Variants in CSGALNACT1 observed in about 807,000 individuals in gnomAD.
CSGALNACT1 encodes chondroitin sulfate N-acetylgalactosaminyltransferase 1.
Under a neutral mutation model 51.0 loss-of-function variants are expected in CSGALNACT1, and 52 were observed. The observed-to-expected ratio is 1.02, with a 90% CI of 0.82 to 1.29. The LOEUF (loss-of-function observed/expected upper bound fraction) is 1.29. Ranked by LOEUF, CSGALNACT1 falls within the 50% of genes most tolerant of loss-of-function variation. The pLI is 0.00. For synonymous variants in CSGALNACT1, 341 were observed against 254.4 expected (o/e 1.34, Z -3.24); for missense variants, 935 against 679.2 (o/e 1.38, Z -4.19).
At chr8:19,702,521 A>T (rs2061937123) in intron 1 of CSGALNACT1, among the ~76,000 whole-genome samples, 1 of 151,938 alleles carries the variant, frequency 6.6e-6, no homozygotes, top group African/African-American at 2.4e-5. Context: ...AAAAAAACTT[A>T]ATTAATTTTT....
chr8:19,458,993 TTTC>T (rs924357895), intron 4 of CSGALNACT1, among the ~76,000 whole-genome samples: 3 of 152,216 alleles, frequency 2.0e-5, no homozygotes, highest in African/African-American at 7.2e-5. Flanking sequence ...GTTTTTTTCT[TTTC>T]TTCTAGTATC....
At chr8:19,514,043 C>G (rs1450008006) in intron 3 of CSGALNACT1, among the ~76,000 whole-genome samples, 1 of 152,104 alleles carries the variant, frequency 6.6e-6, no homozygotes, top group Non-Finnish European at 1.5e-5. Flanking sequence ...ATGCAGGTTT[C>G]TTTTTTCCAT....
intron 6 of CSGALNACT1, among the ~76,000 whole-genome samples, chr8:19,421,421 G>A (rs2057911167): frequency 6.6e-6 from 1 of 152,146 alleles, no homozygotes; most frequent in Admixed American, 6.5e-5. Context: ...ATGCCCAGTG[G>A]GACAGGTATT....
intron 3 of CSGALNACT1, among the ~76,000 whole-genome samples, chr8:19,576,944 C>T (rs375137571): frequency 6.6e-6 from 1 of 152,148 alleles, no homozygotes; most frequent in Non-Finnish European, 1.5e-5. Context: ...TAAGAAAACA[C>T]ACAGCTCGCT....
chr8:19,447,041 C>T (rs2062250511), intron 5 of CSGALNACT1, among the ~76,000 whole-genome samples: 1 of 152,174 alleles, frequency 6.6e-6, no homozygotes, highest in Non-Finnish European at 1.5e-5. Flanking sequence ...GAGCCAAAAG[C>T]CCTTCATGGT....
intron 3 of CSGALNACT1, among the ~76,000 whole-genome samples, chr8:19,573,666 A>T (rs941874711): frequency 4.6e-5 from 7 of 152,066 alleles, no homozygotes; most frequent in Non-Finnish European, 1.5e-5. Context: ...CTGGTCTCGA[A>T]CTTCTGACCT....
intron 4 of CSGALNACT1, among the ~76,000 whole-genome samples, chr8:19,498,705 T>A (rs1189553898): frequency 6.6e-6 from 1 of 152,148 alleles, no homozygotes. Flanking sequence ...TCCTGCCCAC[T>A]CCAGATAAAC....
upstream of CSGALNACT1, among the ~76,000 whole-genome samples, chr8:19,686,183 C>A (rs1300256080): frequency 6.6e-6 from 1 of 152,056 alleles, no homozygotes; most frequent in East Asian, 1.9e-4. Flanking sequence ...TGACAAGGAC[C>A]CCCCAAAAGC....
exon 10 of CSGALNACT1, chr8:19,405,242 A>T: frequency 2.2e-6 from 1 of 453,322 alleles, no homozygotes; most frequent in South Asian, 1.6e-5. Flanking sequence ...GGAAAATATG[A>T]CACGATATTT....
At chr8:19,463,160 T>C (rs1017839203) in intron 4 of CSGALNACT1, among the ~76,000 whole-genome samples, 1 of 152,250 alleles carries the variant, frequency 6.6e-6, no homozygotes, top group African/African-American at 2.4e-5. Flanking sequence ...TTCATTCTTT[T>C]TTTCATGGCT....
At chr8:19,511,386 C>A (rs1458394750) in intron 3 of CSGALNACT1, among the ~76,000 whole-genome samples, 3 of 152,180 alleles carry the variant, frequency 2.0e-5, no homozygotes, top group Non-Finnish European at 2.9e-5. Flanking sequence ...CACAAACTAA[C>A]CTTCAATCAA....
intron 3 of CSGALNACT1, among the ~76,000 whole-genome samples, chr8:19,520,708 T>C (rs1307164097): frequency 6.6e-6 from 1 of 152,220 alleles, no homozygotes; most frequent in Non-Finnish European, 1.5e-5. Context: ...TCTTAAAACT[T>C]TCCATTCTCT....
chr8:19,699,331 T>G (rs2154219608), intron 1 of CSGALNACT1, among the ~76,000 whole-genome samples: 1 of 152,360 alleles, frequency 6.6e-6, no homozygotes, highest in Non-Finnish European at 1.5e-5. Flanking sequence ...AAGAGATTTC[T>G]GTACACCCAT....
chr8:19,455,806 C>T (rs1335595734), intron 5 of CSGALNACT1, among the ~76,000 whole-genome samples: 4 of 152,220 alleles, frequency 2.6e-5, no homozygotes, highest in Non-Finnish European at 4.4e-5. Flanking sequence ...TGCCACAGCG[C>T]CTGGCTCTGC....
intron 1 of CSGALNACT1, among the ~76,000 whole-genome samples, chr8:19,666,883 A>AAGAGAGAG (rs372924056): frequency 1.0e-5 from 1 of 97,372 alleles, no homozygotes; most frequent in South Asian, 3.8e-4. Flanking sequence ...GAAAGAAAGA[A>AAGAGAGAG]AGAGAGAGAG....
chr8:19,596,994 C>T (rs1421410454), intron 2 of CSGALNACT1, among the ~76,000 whole-genome samples: 5 of 152,102 alleles, frequency 3.3e-5, no homozygotes, highest in Non-Finnish European at 7.4e-5. Context: ...TAAACAAGTG[C>T]CCATTCTTGC....
chr8:19,532,428 T>C (rs990330737), intron 3 of CSGALNACT1, among the ~76,000 whole-genome samples: 17 of 152,218 alleles, frequency 1.1e-4, no homozygotes, highest in African/African-American at 4.1e-4. Flanking sequence ...AAGCCTTTTA[T>C]GTCTGTCTTC....
At chr8:19,577,636 G>T (rs6992213) in intron 3 of CSGALNACT1, among the ~76,000 whole-genome samples, 12,150 of 150,352 alleles carry the variant, frequency 0.081, 521 homozygotes, top group African/African-American at 0.12. Flanking sequence ...GCATCTAGTA[G>T]GTATCAGGTT....
intron 1 of CSGALNACT1, among the ~76,000 whole-genome samples, chr8:19,694,047 G>C (rs1452846341): frequency 6.6e-6 from 1 of 151,486 alleles, no homozygotes; most frequent in Non-Finnish European, 1.5e-5. Context: ...CTTTTTTTAA[G>C]ATTGAATACT....
Sources: gnomAD v4.1 joint callset for allele counts (sites outside exome capture counted in the v4.1 genomes callset) on GRCh38, gnomAD v4.1.1 for gene constraint, MANE v1.5 for transcripts, NCBI Gene and HGNC (gene_info 2026-07-23, HGNC 2026-07-21) for gene names.